The following LHFPL3 variants were observed in gnomAD, a reference collection of about 807,000 sequenced individuals.
The protein encoded by LHFPL3 is LHFPL tetraspan subfamily member 3 protein.
In LHFPL3, 5 loss-of-function variants were observed where a neutral mutation model predicts 19.3. The ratio of observed to expected loss-of-function variants is 0.26; its 90% CI spans 0.14 to 0.54. LHFPL3 has a LOEUF of 0.54. Among genes scored for constraint, LHFPL3 ranks in the 20% least tolerant of loss-of-function variants. The pLI, the probability that LHFPL3 is intolerant of heterozygous loss-of-function variation, is 0.94. For synonymous variants in LHFPL3, 133 were observed against 126.2 expected, an observed-to-expected ratio of 1.05 and a Z score of -0.36; for missense variants, 249 against 307.4, an observed-to-expected ratio of 0.81 and a Z score of 1.42.
intron 2 of LHFPL3, among the ~76,000 whole-genome samples, chr7:104,875,670 A>C (rs1791924880): frequency 6.6e-6 from 1 of 152,208 alleles, no homozygotes; most frequent in African/African-American, 2.4e-5. Context: ...CCTCTTTAGA[A>C]GTCTTTAAAT....
chr7:104,382,125 A>C (rs1369665665), intron 1 of LHFPL3, among the ~76,000 whole-genome samples: 3 of 152,168 alleles, frequency 2.0e-5, no homozygotes, highest in Non-Finnish European at 2.9e-5. Flanking sequence ...ACATGGATGC[A>C]GAGGGAAATT....
intron 1 of LHFPL3, among the ~76,000 whole-genome samples, chr7:104,581,958 T>C (rs752730229): frequency 3.9e-5 from 6 of 152,100 alleles, no homozygotes; most frequent in Admixed American, 6.6e-5. Flanking sequence ...ATAGTCTAGA[T>C]ACTTTTAATT....
chr7:104,882,869 G>A (rs963815164), intron 2 of LHFPL3, among the ~76,000 whole-genome samples: 1 of 152,144 alleles, frequency 6.6e-6, no homozygotes, highest in African/African-American at 2.4e-5. Context: ...TGAAGATGGG[G>A]GAAGGGTATG....
At chr7:104,798,536 T>C (rs1241833313) in intron 2 of LHFPL3, 1 of 152,228 alleles carries the variant, frequency 6.6e-6, no homozygotes, top group Non-Finnish European at 1.5e-5. Flanking sequence ...ATGCAATGTT[T>C]ATTGCTCTGT....
chr7:104,699,576 T>A (rs1372788810), intron 1 of LHFPL3, among the ~76,000 whole-genome samples: 2 of 152,134 alleles, frequency 1.3e-5, no homozygotes, highest in African/African-American at 2.4e-5. Context: ...TTAATGGACA[T>A]AGAGCTTCAG....
At chr7:104,362,398 C>T (rs541493395) in intron 1 of LHFPL3, among the ~76,000 whole-genome samples, 26 of 152,296 alleles carry the variant, frequency 1.7e-4, no homozygotes, top group African/African-American at 6.3e-4. Flanking sequence ...GTCACATGTG[C>T]TAGGTCATTT....
intron 1 of LHFPL3, among the ~76,000 whole-genome samples, chr7:104,493,197 G>T (rs1157739366): frequency 6.6e-6 from 1 of 151,878 alleles, no homozygotes; most frequent in Non-Finnish European, 1.5e-5. Flanking sequence ...TTCCTCACTC[G>T]AGGGAATCTG....
At chr7:104,876,827 G>T (rs546950642) in intron 2 of LHFPL3, among the ~76,000 whole-genome samples, 1 of 152,316 alleles carries the variant, frequency 6.6e-6, no homozygotes, top group Admixed American at 6.5e-5. Context: ...ACATGCACAT[G>T]TATGTTTATT....
intron 2 of LHFPL3, among the ~76,000 whole-genome samples, chr7:104,893,939 G>A (rs1377938352): frequency 7.3e-6 from 1 of 136,806 alleles, no homozygotes; most frequent in African/African-American, 2.9e-5. Flanking sequence ...GCAACAGAAT[G>A]AGACTCCATC....
intron 1 of LHFPL3, among the ~76,000 whole-genome samples, chr7:104,449,372 T>C (rs140853931): frequency 1.5e-4 from 23 of 152,316 alleles, no homozygotes; most frequent in African/African-American, 5.5e-4. Flanking sequence ...GATAGCAAGG[T>C]ACATATATTG....
At chr7:104,559,493 G>A (rs1388176632) in intron 1 of LHFPL3, among the ~76,000 whole-genome samples, 1 of 149,812 alleles carries the variant, frequency 6.7e-6, no homozygotes, top group East Asian at 1.9e-4. Flanking sequence ...TCTGTTGTTG[G>A]TGTATAAGAA....
At chr7:104,389,061 G>A (rs1791006874) in intron 1 of LHFPL3, among the ~76,000 whole-genome samples, 1 of 152,120 alleles carries the variant, frequency 6.6e-6, no homozygotes, top group Non-Finnish European at 1.5e-5. Flanking sequence ...CATTGAGATT[G>A]GAAAGGAAGA....
At chr7:104,424,241 T>G (rs1021144952) in intron 1 of LHFPL3, among the ~76,000 whole-genome samples, 19 of 152,208 alleles carry the variant, frequency 1.2e-4, no homozygotes, top group African/African-American at 4.6e-4. Flanking sequence ...ACTTGTCTCT[T>G]GATAGGCACT....
chr7:104,457,843 A>G (rs1792577081), intron 1 of LHFPL3, among the ~76,000 whole-genome samples: 1 of 143,140 alleles, frequency 7.0e-6, no homozygotes, highest in Non-Finnish European at 1.5e-5. Flanking sequence ...TGTGGTTTTG[A>G]TTTGCATTTC....
At chr7:104,833,286 T>C (rs1229552020) in intron 2 of LHFPL3, among the ~76,000 whole-genome samples, 1 of 46,924 alleles carries the variant, frequency 2.1e-5, no homozygotes, top group Non-Finnish European at 3.5e-5. Context: ...TAATAGGATA[T>C]ATATATATTA....
rs1191858545 is a variant in LHFPL3, at chr7:104,650,276, TC to T, written c.446-86397del. 3.9e-5 allele frequency among the ~76,000 whole-genome samples: 6 copies of T among 152,262 alleles called. No individual in the cohort carries two copies. The East Asian group carries it at 1.2e-3, about 29-fold the overall frequency. Reference sequence around the variant, plus strand: ...TGAGGATATGGCTTCTCCAGGGACTTCCTGAGCAATCATCTGTGGTGCACAC... The same window carrying T: ...TGAGGATATGGCTTCTCCAGGGACTTCTGAGCAATCATCTGTGGTGCACAC... On this transcript the variant is annotated intron_variant, in intron 1 of 2. Coordinates refer to ENST00000424859, the MANE Select transcript of LHFPL3 (RefSeq NM_199000.3).
intron 1 of LHFPL3, among the ~76,000 whole-genome samples, chr7:104,735,211 C>T (rs1330373729): frequency 6.6e-6 from 1 of 152,226 alleles, no homozygotes; most frequent in African/African-American, 2.4e-5. Flanking sequence ...ATCTCAAACT[C>T]CGTGCTGGGA....
chr7:104,819,538 C>A (rs773074148), intron 2 of LHFPL3, among the ~76,000 whole-genome samples: 1 of 152,136 alleles, frequency 6.6e-6, no homozygotes, highest in Non-Finnish European at 1.5e-5. Flanking sequence ...TGCCTTTCCC[C>A]TTCTTCTCTC....
Position 104,328,845 on chromosome 7 carries a change from C to T in LHFPL3, c.66C>T (p.Ala22=). The change falls in exon 1 of 3, where the codon GCC becomes GCT. Residue 22 remains alanine (A), a synonymous_variant. Coordinates refer to ENST00000424859, the MANE Select transcript of LHFPL3 (RefSeq NM_199000.3). This position sits in a 1 kb window ranked among gnomAD's most constrained non-coding sequence, Gnocchi z 4.6. The stretch of plus-strand genomic sequence containing the variant: ...CGATGCTCCCGGCTCAGGAGGCTGC[C>T]AAGCTGTACCACACCAACTATGTGC... ...AAAMLPAQEA[A]KLYHTNYVRN... 2 of 1,614,074 alleles carry T rather than the reference C, an allele frequency of 1.2e-6. No homozygotes were observed. The highest frequency in any genetic ancestry group is 1.7e-6 in the Non-Finnish European group (2 of 1,179,988).
Sources: gnomAD v4.1 joint callset for allele counts (sites outside exome capture counted in the v4.1 genomes callset) on GRCh38, gnomAD v4.1.1 for gene constraint, Gnocchi (gnomAD v3.1) non-coding constraint, MANE v1.5 for transcripts, NCBI Gene and HGNC (gene_info 2026-07-23, HGNC 2026-07-21) for gene names.